Variants in CLVS1 observed in about 807,000 individuals in gnomAD.
The protein encoded by CLVS1 is clavesin 1.
In CLVS1, 10 loss-of-function variants were observed where a neutral mutation model predicts 33.1. The observed-to-expected ratio is 0.30, with a 90% CI of 0.19 to 0.51. CLVS1 has a LOEUF of 0.51. CLVS1 is among the 20% of genes least tolerant of loss of function. The pLI, the probability that CLVS1 is intolerant of heterozygous loss-of-function variation, is 0.97. For synonymous variants in CLVS1, 163 were observed against 166.1 expected (o/e 0.98, Z 0.14); for missense variants, 343 against 433.4 (o/e 0.79, Z 1.85).
At chr8:61,047,849 G>A in the CLVS1 span, among the ~76,000 whole-genome samples, 1 of 152,070 alleles carries the variant, frequency 6.6e-6, no homozygotes, top group African/African-American at 2.4e-5. Context: ...GCTAAATGAC[G>A]AGTTAATGGG....
In CLVS1 at chr8:61,305,237, A is replaced by T. The variant is rs553620699; in HGVS notation, c.455+4955A>T. The stretch of plus-strand genomic sequence containing the variant: ...AATTTGTTATTGAGGTAAAATATAT[A>T]TATATATAATTTAATATCTTTTCCA... On this transcript the variant is annotated intron_variant, in intron 2 of 5. Coordinates refer to ENST00000325897, the MANE Select transcript of CLVS1 (RefSeq NM_173519.3). 2.0e-5 allele frequency among the ~76,000 whole-genome samples: 3 copies of T among 151,988 alleles called. No individual in the cohort carries two copies. In the East Asian group the frequency reaches 5.8e-4, roughly 29 times the overall value.
intron 5 of CLVS1, among the ~76,000 whole-genome samples, chr8:61,488,931 G>A (rs1161703984): frequency 6.6e-6 from 1 of 152,168 alleles, no homozygotes; most frequent in African/African-American, 2.4e-5. Context: ...TCTCAGTTAA[G>A]TCTAATCCAC....
chr8:61,356,115 G>A (rs1812693779), intron 2 of CLVS1, among the ~76,000 whole-genome samples: 1 of 151,866 alleles, frequency 6.6e-6, no homozygotes, highest in Non-Finnish European at 1.5e-5. Context: ...TCTAACTGGT[G>A]TGAGATGGTA....
intron 2 of CLVS1, among the ~76,000 whole-genome samples, chr8:61,307,090 C>T (rs572985754): frequency 8.6e-5 from 13 of 152,012 alleles, no homozygotes; most frequent in Non-Finnish European, 1.8e-4. Context: ...AATAAAAGCC[C>T]CAGAATACAC....
intron 2 of CLVS1, among the ~76,000 whole-genome samples, chr8:61,364,610 G>A (rs1298128401): frequency 2.0e-5 from 3 of 152,176 alleles, no homozygotes; most frequent in South Asian, 4.1e-4. Context: ...AATGAGAAAG[G>A]ATAAACCAAC....
At chr8:61,294,724 C>T (rs891707396) in intron 1 of CLVS1, among the ~76,000 whole-genome samples, 1 of 144,316 alleles carries the variant, frequency 6.9e-6, no homozygotes, top group Non-Finnish European at 1.5e-5. Flanking sequence ...ATAATTCTGA[C>T]CTTTTCCTGA....
At chr8:61,018,470 A>T in the CLVS1 span, among the ~76,000 whole-genome samples, 2 of 152,154 alleles carry the variant, frequency 1.3e-5, no homozygotes, top group South Asian at 4.1e-4. Flanking sequence ...GAGATGGGAG[A>T]TGGGTTGGGG....
the CLVS1 span, among the ~76,000 whole-genome samples, chr8:61,024,141 T>A: frequency 1.3e-5 from 2 of 152,130 alleles, no homozygotes; most frequent in Non-Finnish European, 2.9e-5. Context: ...GGAAAGACAA[T>A]GATAAATTTT....
the CLVS1 span, among the ~76,000 whole-genome samples, chr8:61,041,512 T>C: frequency 2.6e-5 from 4 of 152,190 alleles, no homozygotes; most frequent in African/African-American, 9.7e-5. Flanking sequence ...CTTTCAGCAG[T>C]GTTTTGTAGT....
At position 61,299,974 on chromosome 8, in the gene CLVS1, A is replaced by G. The variant is rs370102890; in HGVS notation, c.147A>G (p.Leu49=). 4.3e-6 allele frequency: 7 copies of G among 1,614,058 alleles called. No homozygotes were observed. The highest frequency in any genetic ancestry group is 5.9e-6 in the Non-Finnish European group (7 of 1,179,954). The change falls in exon 2 of 6, where the codon TTA becomes TTG. Residue 49 remains leucine (L), a synonymous_variant. Transcript: ENST00000325897. ...AACTGAATGAAAACCCCGATGTTTT[A>G]CATCAGGATATTCAGCAAGTCAGGG... ...RLELNENPDV[L]HQDIQQVRDM... is the part of the protein sequence containing the mutation.
intron 2 of CLVS1, among the ~76,000 whole-genome samples, chr8:61,158,569 A>G (rs535412618): frequency 6.6e-6 from 1 of 152,156 alleles, no homozygotes; most frequent in Non-Finnish European, 1.5e-5. Context: ...AGAGCAGTGC[A>G]TAATGAGGGG....
chr8:61,061,235 C>A (rs892308625), intron 1 of CLVS1, among the ~76,000 whole-genome samples: 3 of 152,124 alleles, frequency 2.0e-5, no homozygotes, highest in Non-Finnish European at 4.4e-5. Flanking sequence ...GTCACGGTTT[C>A]TTATTGGATT....
chr8:61,232,023 G>GTTTGTTTGTTTGTT, intron 2 of CLVS1, among the ~76,000 whole-genome samples: 673 of 62,568 alleles, frequency 0.011, 15 homozygotes, highest in Non-Finnish European at 0.02. Flanking sequence ...GAAAGTTGTG[G>GTTTGTTTGTTTGTT]TTTTTTTTTT....
chr8:61,389,159 T>C (rs1425285475), intron 3 of CLVS1, among the ~76,000 whole-genome samples: 2 of 152,210 alleles, frequency 1.3e-5, no homozygotes, highest in African/African-American at 4.8e-5. Flanking sequence ...GATTTGGTCA[T>C]GTAGTTTCCA....
intron 1 of CLVS1, among the ~76,000 whole-genome samples, chr8:61,107,452 C>G (rs1014468698): frequency 2.0e-5 from 3 of 152,220 alleles, no homozygotes; most frequent in Admixed American, 2.0e-4. Flanking sequence ...CATCTTCTAG[C>G]TGTATCTTCA....
chr8:61,171,898 C>G (rs555690826), intron 2 of CLVS1, among the ~76,000 whole-genome samples: 144 of 152,204 alleles, frequency 9.5e-4, no homozygotes, highest in African/African-American at 3.3e-3. Flanking sequence ...GTCAAGCAAG[C>G]GTGGAAATCA....
chr8:61,114,618 A>G (rs1488673548), intron 1 of CLVS1, among the ~76,000 whole-genome samples: 1 of 152,238 alleles, frequency 6.6e-6, no homozygotes, highest in African/African-American at 2.4e-5. Flanking sequence ...TGAAGCTATC[A>G]CCTAGTACAT....
chr8:61,048,010 A>G, the CLVS1 span, among the ~76,000 whole-genome samples: 1 of 152,216 alleles, frequency 6.6e-6, no homozygotes, highest in Admixed American at 6.5e-5. Flanking sequence ...GTACTATATT[A>G]GAGGAACAAT....
intron 2 of CLVS1, among the ~76,000 whole-genome samples, chr8:61,360,009 C>A (rs1465762471): frequency 6.6e-6 from 1 of 152,156 alleles, no homozygotes; most frequent in African/African-American, 2.4e-5. Flanking sequence ...AACACACATC[C>A]CAGCCTCTGA....
Sources: allele counts gnomAD v4.1 joint callset (sites outside exome capture counted in the v4.1 genomes callset), GRCh38; gene constraint gnomAD v4.1.1; transcripts MANE v1.5; gene names NCBI Gene and HGNC (gene_info 2026-07-23, HGNC 2026-07-21).